CGGBP1: variants seen among roughly 807,000 people sequenced by gnomAD.
CGGBP1 encodes the protein CGG triplet repeat-binding protein 1.
CGGBP1 carries 4 observed loss-of-function variants against 11.4 expected under a neutral mutation model. The ratio of observed to expected loss-of-function variants is 0.35; its 90% CI spans 0.17 to 0.80. The LOEUF is 0.80. Among genes scored for constraint, CGGBP1 ranks in the 30% least tolerant of loss-of-function variants. CGGBP1 has a pLI of 0.52. For synonymous variants in CGGBP1, 76 were observed against 74.1 expected (o/e 1.03, Z -0.13); for missense variants, 135 against 202.1 (o/e 0.67, Z 2.01).
At chr3:88,058,631 GGGAGGCGGCGGCAGGCGCCTGGC>G (rs1274019723) in intron 1 of CGGBP1, among the ~76,000 whole-genome samples, 161 bp downstream of exon 1, 5 of 152,240 alleles carry the variant, frequency 3.3e-5, no homozygotes, top group Non-Finnish European at 5.9e-5. Flanking sequence ...GCAGTCTCAA[GGGAGGCGGCGGCAGGCGCCTGGC>G]GGAGGCGGCC....
At position 88,091,724 on chromosome 3, in the gene CGGBP1, A is replaced by G. The variant is rs1025810203; in HGVS notation, c.-228-33501T>C. Among the ~76,000 whole-genome samples the G allele has an allele frequency of 2.0e-5, 3 of 152,244 alleles. No homozygotes were observed. The South Asian group carries it at 6.2e-4, about 32-fold the overall frequency. The stretch of plus-strand genomic sequence containing the variant: ...TCCTGTGCTGTTCTCATGATAGTGA[A>G]TAAGTCTCATGAGATCTGATGGTTT... On this transcript the variant is annotated intron_variant, in intron 2 of 3. Transcript: ENST00000462901.
intron 2 of CGGBP1, chr3:88,129,200 G>A: frequency 2.0e-6 from 1 of 503,756 alleles, no homozygotes; most frequent in Non-Finnish European, 3.5e-6. Context: ...GTCAAAATCT[G>A]ATATTAACAA....
intron 2 of CGGBP1, among the ~76,000 whole-genome samples, chr3:88,137,605 CT>C (rs1706876223): frequency 1.3e-5 from 2 of 152,080 alleles, no homozygotes; most frequent in South Asian, 4.2e-4. Context: ...ATAAGTTATT[CT>C]TGGTGGAAAG....
intron 2 of CGGBP1, among the ~76,000 whole-genome samples, chr3:88,136,693 CTG>C (rs916259181): frequency 6.6e-6 from 1 of 151,972 alleles, no homozygotes; most frequent in Non-Finnish European, 1.5e-5. Context: ...ATGGCAGAGA[CTG>C]TGTGTGTTAG....
intron 2 of CGGBP1, among the ~76,000 whole-genome samples, chr3:88,136,148 A>C (rs1371517485): frequency 6.6e-6 from 1 of 152,190 alleles, no homozygotes; most frequent in African/African-American, 2.4e-5. Context: ...TTTGATGTGC[A>C]TCAGAATCAC....
At position 88,052,912 on chromosome 3, in the gene CGGBP1, T is replaced by A. The variant is rs1463264466; in HGVS notation, c.*2561A>T. The A allele has an allele frequency of 1.3e-5, 2 of 152,606 alleles. No homozygotes were observed. Among genetic ancestry groups the A allele is most frequent in the Non-Finnish European group, 2.9e-5 (2 of 68,010 alleles). The allele number at this position is 152,606 out of a possible 1,614,324, so 9.5% of individuals were successfully genotyped here. A position where few individuals can be genotyped will look rare whatever the true frequency, so the allele number is the denominator to read the frequency against. ...AGCTAGGAAATATTTACTGTAAGCA[T>A]ATTGTGAAATTCTGGAAGACATACT... On this transcript the variant is annotated 3_prime_UTR_variant, in exon 4 of 4. Coordinates refer to ENST00000482016, the MANE Select transcript of CGGBP1 (RefSeq NM_001008390.2).
chr3:88,059,217 G>A (rs1433678914), upstream of CGGBP1: 9 of 1,483,606 alleles, frequency 6.1e-6, no homozygotes, highest in South Asian at 1.0e-4. Context: ...GGCTAGGGAG[G>A]AGGGAAGGGG....
At chr3:88,103,866 A>C (rs1440333780) in intron 2 of CGGBP1, among the ~76,000 whole-genome samples, 1 of 149,038 alleles carries the variant, frequency 6.7e-6, no homozygotes, top group Non-Finnish European at 1.5e-5. Context: ...TCTCGGGGTC[A>C]AGCGATTCTT....
At chr3:88,138,895 G>A (rs980794333) in intron 2 of CGGBP1, 16 of 1,233,172 alleles carry the variant, frequency 1.3e-5, no homozygotes, top group Admixed American at 8.4e-5. Flanking sequence ...GAAGCGTATC[G>A]TACTGTTGAA....
chr3:88,149,540 A>C (rs1382227548), intron 1 of CGGBP1, among the ~76,000 whole-genome samples: 1 of 152,270 alleles, frequency 6.6e-6, no homozygotes, highest in Non-Finnish European at 1.5e-5. Flanking sequence ...TAATTTACTT[A>C]ATTTAAGGAA....
chr3:88,144,557 T>G (rs1289345039), intron 1 of CGGBP1: 2 of 152,428 alleles, frequency 1.3e-5, no homozygotes, highest in African/African-American at 4.8e-5. Flanking sequence ...GAGTACAAAT[T>G]AAAACTGAGC....
At chr3:88,121,752 A>C (rs1270715191) in intron 2 of CGGBP1, among the ~76,000 whole-genome samples, 1 of 152,216 alleles carries the variant, frequency 6.6e-6, no homozygotes, top group African/African-American at 2.4e-5. Flanking sequence ...TTCAAAGATT[A>C]CGTTTTTATA....
rs139836647 is a variant in CGGBP1, at chr3:88,104,561, T to C, written c.-229+36409A>G. On this transcript the variant is annotated intron_variant, in intron 2 of 3. Coordinates refer to the CGGBP1 transcript ENST00000462901. ...AGTGAAATATTATTGGTTTGTAGCATGTTTAAAACCAAATGAATGACAAAA... is the reference window on the plus strand; with the variant it reads ...AGTGAAATATTATTGGTTTGTAGCACGTTTAAAACCAAATGAATGACAAAA... 4.5e-4 allele frequency among the ~76,000 whole-genome samples: 69 copies of C among 152,360 alleles called. No individual in the cohort carries two copies. The East Asian group carries it at 0.013, about 29-fold the overall frequency.
Position 88,055,421 on chromosome 3 carries a change from A to G in CGGBP1, c.*52T>C. The G allele has an allele frequency of 2.1e-6, 3 of 1,428,992 alleles. No homozygotes were observed. Among genetic ancestry groups the G allele is most frequent in the South Asian group, 3.2e-5 (2 of 63,164 alleles). The allele number at this position is 1,428,992 out of a possible 1,614,324, so 88.5% of individuals were successfully genotyped here. A position where few individuals can be genotyped will look rare whatever the true frequency, so the allele number is the denominator to read the frequency against. Reference sequence around the variant, plus strand: ...CAAAAATGAACCACACAATCAACACATAACTTTAATACTCCACATTTATCT... The same window carrying G: ...CAAAAATGAACCACACAATCAACACGTAACTTTAATACTCCACATTTATCT... On this transcript the variant is annotated 3_prime_UTR_variant, in exon 4 of 4. Transcript: ENST00000482016. This position sits in a 1 kb window ranked among gnomAD's most constrained non-coding sequence, Gnocchi z 4.2.
Position 88,088,969 on chromosome 3 carries a change from C to T in CGGBP1, c.-228-30746G>A, listed in dbSNP as rs1248726809. ...TGTATTTTTAGTAGAGATGGGATTT[C>T]ACCATGTTGGCCAGGCTGGTTTTGA... On this transcript the variant is annotated intron_variant, in intron 2 of 3. Transcript: ENST00000462901. 6.6e-5 allele frequency among the ~76,000 whole-genome samples: 10 copies of T among 151,712 alleles called. No individual in the cohort carries two copies. The East Asian group carries it at 2.0e-3, about 30-fold the overall frequency.
At chr3:88,139,867 A>C in intron 2 of CGGBP1, 1 of 1,606,062 alleles carries the variant, frequency 6.2e-7, no homozygotes, top group South Asian at 1.1e-5. Context: ...ACTGTGTGCC[A>C]TCCAAAAGAC....
At chr3:88,059,925 G>A (rs73844842), upstream of CGGBP1, among the ~76,000 whole-genome samples, 462 of 152,050 alleles carry the variant, frequency 3.0e-3, 3 homozygotes, top group African/African-American at 0.011. Flanking sequence ...TGCCCCCCGT[G>A]TTCTCCCCTT....
chr3:88,083,841 T>C (rs1161175597), intron 2 of CGGBP1, among the ~76,000 whole-genome samples: 2 of 152,076 alleles, frequency 1.3e-5, no homozygotes, highest in African/African-American at 4.8e-5. Context: ...CTTACTGCCT[T>C]GTGGCCTTGT....
intron 2 of CGGBP1, among the ~76,000 whole-genome samples, chr3:88,103,182 G>C (rs1359556665): frequency 6.6e-6 from 1 of 151,898 alleles, no homozygotes; most frequent in Non-Finnish European, 1.5e-5. Flanking sequence ...TTTTAAAAAA[G>C]AGACCCCCTA....
Sources: allele counts gnomAD v4.1 joint callset (sites outside exome capture counted in the v4.1 genomes callset), GRCh38; gene constraint gnomAD v4.1.1; non-coding constraint Gnocchi (gnomAD v3.1); transcripts MANE v1.5; gene names NCBI Gene and HGNC (gene_info 2026-07-23, HGNC 2026-07-21).